Variants in GRID2 observed in about 807,000 individuals in gnomAD.
GRID2 encodes glutamate receptor ionotropic, delta-2.
A neutral mutation model predicts 114.8 loss-of-function variants in GRID2; 33 were observed. That is an observed-to-expected ratio of 0.29 (90% CI 0.22 to 0.38). The LOEUF is 0.38. Ranked by LOEUF, GRID2 falls within the 10% of genes least tolerant of loss-of-function variation. GRID2 has a pLI of 1.00. For missense variants in GRID2, 1,184 were observed against 1,257.7 expected (o/e 0.94, Z 0.89); for synonymous variants, 505 against 449.9 (o/e 1.12, Z -1.55).
chr4:93,086,523 G>C (rs2084973336), intron 3 of GRID2, among the ~76,000 whole-genome samples: 1 of 152,098 alleles, frequency 6.6e-6, no homozygotes, highest in South Asian at 2.1e-4. Context: ...AATATTCAAT[G>C]GTTGCATGGG....
intron 8 of GRID2, among the ~76,000 whole-genome samples, chr4:93,295,156 G>T (rs1323065491): frequency 6.6e-6 from 1 of 152,094 alleles, no homozygotes; most frequent in Admixed American, 6.5e-5. Flanking sequence ...TAAAATGAAA[G>T]TTTAGGGAAG....
rs573216631 is a variant in GRID2, at chr4:92,793,391, T to G, written c.244+203105T>G. 2.6e-5 allele frequency among the ~76,000 whole-genome samples: 4 copies of G among 151,842 alleles called. No homozygotes were observed. The South Asian group carries it at 8.3e-4, about 32-fold the overall frequency. ...AACAGTTGAAGTGTTTGGGACTTTC[T>G]GAGGGTGGAGGGTCGGAACAGGGAG... On this transcript the variant is annotated intron_variant, in intron 2 of 15. Transcript: ENST00000282020.
At chr4:93,224,797 A>G (rs760480753) in intron 7 of GRID2, 22 bp downstream of exon 7, 7 of 1,538,078 alleles carry the variant, frequency 4.6e-6, no homozygotes, top group Admixed American at 1.8e-5. Context: ...ATTTTCATGT[A>G]AAAAGGATAT....
chr4:92,384,864 A>T (rs1307443166), intron 1 of GRID2, among the ~76,000 whole-genome samples: 1 of 150,310 alleles, frequency 6.7e-6, no homozygotes, highest in African/African-American at 2.4e-5. Flanking sequence ...AAGATTCACG[A>T]CGCATTCTAG....
chr4:93,703,341 C>G (rs1727678554), intron 14 of GRID2, among the ~76,000 whole-genome samples: 1 of 152,012 alleles, frequency 6.6e-6, no homozygotes, highest in Non-Finnish European at 1.5e-5. Context: ...GTGTAATAAT[C>G]ACATCAGGGC....
intron 2 of GRID2, among the ~76,000 whole-genome samples, chr4:92,990,359 G>A (rs899414380): frequency 6.6e-6 from 1 of 150,760 alleles, no homozygotes; most frequent in African/African-American, 2.4e-5. Flanking sequence ...GTCTTGATCT[G>A]TCACCCAGGT....
chr4:92,666,650 G>GTTTTTTTTTTTTTTTTTTTTTTTTTT (rs70942922), intron 2 of GRID2, among the ~76,000 whole-genome samples: 13 of 68,598 alleles, frequency 1.9e-4, no homozygotes, highest in Admixed American at 5.9e-4. Flanking sequence ...CTTAAGGGTT[G>GTTTTTTTTTTTTTTTTTTTTTTTTTT]TTTTTTTTTT....
chr4:92,497,384 C>T (rs1723441680), intron 1 of GRID2, among the ~76,000 whole-genome samples: 1 of 151,726 alleles, frequency 6.6e-6, no homozygotes. Flanking sequence ...TTGGAGAAAT[C>T]TGAAAGAAGG....
At chr4:92,590,814 C>T (rs1430733716) in intron 2 of GRID2, among the ~76,000 whole-genome samples, 1 of 152,158 alleles carries the variant, frequency 6.6e-6, no homozygotes, top group East Asian at 1.9e-4. Context: ...GCACTTTCCT[C>T]CTTTTCCTCT....
chr4:92,528,790 T>C (rs4692972), intron 1 of GRID2, among the ~76,000 whole-genome samples: 10,423 of 149,320 alleles, frequency 0.07, 440 homozygotes, highest in Middle Eastern at 0.099. Context: ...ACTAAAGTCG[T>C]TTCTTTGTTC....
intron 2 of GRID2, among the ~76,000 whole-genome samples, chr4:92,804,544 CAAT>C (rs1740325298): frequency 6.6e-6 from 1 of 151,940 alleles, no homozygotes; most frequent in Non-Finnish European, 1.5e-5. Context: ...CTCAGTCTAA[CAAT>C]AACAGCAAAA....
At chr4:93,438,413 A>C (rs1162993356) in intron 10 of GRID2, among the ~76,000 whole-genome samples, 1 of 152,108 alleles carries the variant, frequency 6.6e-6, no homozygotes, top group African/African-American at 2.4e-5. Flanking sequence ...ATAATTATAA[A>C]AGCATGTTTG....
intron 8 of GRID2, among the ~76,000 whole-genome samples, chr4:93,275,257 G>A (rs541379772): frequency 2.6e-5 from 4 of 151,736 alleles, no homozygotes; most frequent in African/African-American, 9.7e-5. Context: ...CTATTCCTTT[G>A]CATTGATAAA....
chr4:92,937,239 G>C (rs1750742655), intron 2 of GRID2, among the ~76,000 whole-genome samples: 2 of 146,302 alleles, frequency 1.4e-5, no homozygotes, highest in Non-Finnish European at 3.0e-5. Context: ...CATACTTTCG[G>C]TGTCAGATCT....
At chr4:92,686,308 A>G (rs1425653551) in intron 2 of GRID2, among the ~76,000 whole-genome samples, 1 of 152,086 alleles carries the variant, frequency 6.6e-6, no homozygotes, top group Non-Finnish European at 1.5e-5. Context: ...TTAATTGGTA[A>G]TGACAAAAAA....
intron 13 of GRID2, among the ~76,000 whole-genome samples, chr4:93,600,289 T>G (rs1739537084): frequency 6.6e-6 from 1 of 152,050 alleles, no homozygotes; most frequent in South Asian, 2.1e-4. Flanking sequence ...AGGTAAGCCA[T>G]ACAATGGGAG....
rs1754631593 is a variant in GRID2 at position 93,299,432 on chromosome 4, A to G, written c.1245+60942A>G. The stretch of plus-strand genomic sequence containing the variant: ...GCGCATTTTGCTGTTTGAAACGGGG[A>G]AAAAAAAGTCTTAGTTGAGTGATCT... On this transcript the variant is annotated intron_variant, in intron 8 of 15. Coordinates refer to ENST00000282020, the MANE Select transcript of GRID2 (RefSeq NM_001510.4). 6.3e-5 allele frequency among the ~76,000 whole-genome samples: 9 copies of G among 142,798 alleles called. No homozygotes were observed. The Admixed American group carries it at 6.3e-4, about 10-fold the overall frequency. The allele number at this position is 142,798 out of a possible 152,430, so 93.7% of individuals were successfully genotyped here.
chr4:93,769,210 G>C lies in GRID2; in HGVS notation c.2361G>C (p.Arg787Ser). The change falls in exon 15 of 16, where the codon AGG becomes AGC. Residue 787 changes from arginine to serine, a missense_variant and splice_region_variant. Arg to Ser is a moderately radical substitution (Grantham distance 110). This residue lies in a region of GRID2 where 717 missense variants were observed against 796.9 expected (regional missense o/e 0.90). Coordinates refer to ENST00000282020, the MANE Select transcript of GRID2 (RefSeq NM_001510.4). Reference sequence around the variant, plus strand: ...ACATGCTTATGTTCTTTATCCCAAGGATCCTGGAGCTTCAGCAGAATGGTG... The same window carrying C: ...ACATGCTTATGTTCTTTATCCCAAGCATCCTGGAGCTTCAGCAGAATGGTG... ...GSPYRDVFSQRILELQQNGDM... is the reference protein window; with the variant it reads ...GSPYRDVFSQSILELQQNGDM... The C allele has an allele frequency of 1.9e-6, 3 of 1,613,928 alleles. No homozygotes were observed. The highest frequency in any genetic ancestry group is 2.5e-6 in the Non-Finnish European group (3 of 1,179,862).
intron 13 of GRID2, among the ~76,000 whole-genome samples, chr4:93,560,787 T>C (rs571550334): frequency 6.6e-6 from 1 of 152,194 alleles, no homozygotes; most frequent in African/African-American, 2.4e-5. Flanking sequence ...CTAGCCTACC[T>C]ATATATTTTA....
Sources: gnomAD v4.1 joint callset for allele counts (sites outside exome capture counted in the v4.1 genomes callset) on GRCh38, gnomAD v4.1.1 for gene constraint, gnomAD v4.1.1 regional missense constraint, MANE v1.5 for transcripts, NCBI Gene and HGNC (gene_info 2026-07-23, HGNC 2026-07-21) for gene names.